SENP7: variants seen among roughly 807,000 people sequenced by gnomAD.
SENP7 encodes the protein sentrin-specific protease 7.
A neutral mutation model predicts 141.2 loss-of-function variants in SENP7; 64 were observed. The ratio of observed to expected loss-of-function variants is 0.45; its 90% CI spans 0.37 to 0.56. The LOEUF (loss-of-function observed/expected upper bound fraction) is 0.56, where lower values mean the gene tolerates loss of function less well. SENP7 is among the 20% of genes least tolerant of loss of function. The probability of loss-of-function intolerance (pLI) is 0.00; values close to 1 mark genes in which losing one functional copy is unlikely to be tolerated. For missense variants in SENP7, 1,025 were observed against 1,212.2 expected (o/e 0.85, Z 2.29); for synonymous variants, 382 against 426.4 (o/e 0.90, Z 1.28).
intron 6 of SENP7, among the ~76,000 whole-genome samples, chr3:101,396,851 T>C (rs1001208151): frequency 2.0e-5 from 3 of 152,186 alleles, no homozygotes; most frequent in Admixed American, 6.5e-5. Context: ...TTGTTTTTTG[T>C]GTGTTTTTTG....
At chr3:101,427,490 C>CA (rs55677738) in intron 4 of SENP7, among the ~76,000 whole-genome samples, 4,870 of 100,952 alleles carry the variant, frequency 0.048, 138 homozygotes, top group African/African-American at 0.067. Flanking sequence ...ACACTGTCTC[C>CA]AAAAAAAAAA....
At chr3:101,511,702 C>G (rs906437805) in intron 1 of SENP7, among the ~76,000 whole-genome samples, 4 of 152,230 alleles carry the variant, frequency 2.6e-5, no homozygotes, top group African/African-American at 9.6e-5. Context: ...CTGCTTCAAG[C>G]AGTGTCCCCA....
rs567080545 is a variant in SENP7, at chr3:101,340,754, T to G, written c.2241-543A>C. On this transcript the variant is annotated intron_variant, in intron 15 of 23. Transcript: ENST00000394095. ...CTCCCCATAAAAAGTGCCTGCCACA[T>G]AAAACTTAAGAGACCACAAAGGAGA... 8.5e-5 allele frequency among the ~76,000 whole-genome samples: 13 copies of G among 152,258 alleles called. No individual in the cohort carries two copies. In the South Asian group the frequency reaches 2.7e-3, roughly 32 times the overall value.
rs1462413573 is a variant in SENP7 at position 101,392,247 on chromosome 3, G to T, written c.677+6614C>A. 3.9e-5 allele frequency among the ~76,000 whole-genome samples: 6 copies of T among 152,190 alleles called. No homozygotes were observed. In the East Asian group the frequency reaches 1.2e-3, roughly 29 times the overall value. On this transcript the variant is annotated intron_variant, in intron 6 of 23. Transcript: ENST00000394095. ...ATTAGGTAAGAGAAAGAAATAAAGG[G>T]CATCCAAATTAGAAAAGAGATAGTC...
At chr3:101,454,660 T>A (rs764251942) in intron 4 of SENP7, among the ~76,000 whole-genome samples, 1 of 152,148 alleles carries the variant, frequency 6.6e-6, no homozygotes, top group Non-Finnish European at 1.5e-5. Flanking sequence ...CACAATGTGG[T>A]ATAAAAAGAA....
chr3:101,375,328 A>G (rs2060291272), intron 6 of SENP7, among the ~76,000 whole-genome samples: 1 of 152,070 alleles, frequency 6.6e-6, no homozygotes, highest in Non-Finnish European at 1.5e-5. Context: ...GGATCACCTG[A>G]GGTCGAGAGT....
chr3:101,389,803 T>C (rs1467605632), intron 6 of SENP7, among the ~76,000 whole-genome samples: 1 of 151,874 alleles, frequency 6.6e-6, no homozygotes, highest in Non-Finnish European at 1.5e-5. Flanking sequence ...AAGTGATAAA[T>C]GATAAAAGTG....
chr3:101,360,102 ATGAATAAAAT>A (rs1434652759), intron 11 of SENP7, among the ~76,000 whole-genome samples: 2 of 152,218 alleles, frequency 1.3e-5, no homozygotes, highest in Non-Finnish European at 2.9e-5. Context: ...ATCCTGAAAA[ATGAATAAAAT>A]TCCTTAAAGA....
chr3:101,454,162 A>T (rs2063263173), intron 4 of SENP7, among the ~76,000 whole-genome samples: 1 of 152,202 alleles, frequency 6.6e-6, no homozygotes, highest in Admixed American at 6.5e-5. Flanking sequence ...AAACAATATT[A>T]ATGCATGACA....
intron 3 of SENP7, among the ~76,000 whole-genome samples, chr3:101,491,126 C>CAT: frequency 7.1e-6 from 1 of 140,880 alleles, no homozygotes; most frequent in East Asian, 2.1e-4. Context: ...TCATTTTATA[C>CAT]TTTTTTTTTT....
intron 4 of SENP7, among the ~76,000 whole-genome samples, chr3:101,449,786 C>T (rs149204935): frequency 0.01 from 1,534 of 152,216 alleles, 31 homozygotes; most frequent in African/African-American, 0.036. Flanking sequence ...TAAAGACCAT[C>T]GAGGCTAGGA....
At chr3:101,360,393 G>A (rs555189833) in intron 11 of SENP7, among the ~76,000 whole-genome samples, 3 of 152,212 alleles carry the variant, frequency 2.0e-5, no homozygotes, top group Middle Eastern at 3.4e-3. Flanking sequence ...ATTGCCATAT[G>A]CACCCTTCTT....
rs1423086015 is a variant in SENP7, at chr3:101,513,199, G to C, written c.-69C>G. The C allele has an allele frequency of 4.8e-5, 39 of 811,970 alleles. No individual in the cohort carries two copies. The highest frequency in any genetic ancestry group is 3.9e-6 in the Non-Finnish European group (2 of 507,372). 50.3% of individuals were successfully genotyped at this position (811,970 alleles called of 1,614,324 possible). A position where few individuals can be genotyped will look rare whatever the true frequency, so the allele number is the denominator to read the frequency against. On this transcript the variant is annotated 5_prime_UTR_variant, in exon 1 of 24. Transcript: ENST00000394095. ...AGGACCCCTCCGGCTTGGAGAGGGA[G>C]GGGGAGGGGAAAGGAAAAAAAAAAA...
At chr3:101,439,682 CA>C in intron 4 of SENP7, among the ~76,000 whole-genome samples, 1 of 31,440 alleles carries the variant, frequency 3.2e-5, no homozygotes, top group African/African-American at 1.1e-4. Flanking sequence ...ATGGGGGGGT[CA>C]GCCCCCCCAC....
chr3:101,457,688 C>A, intron 4 of SENP7: 1 of 1,288,062 alleles, frequency 7.8e-7, no homozygotes, highest in Non-Finnish European at 1.1e-6. Flanking sequence ...CTTGTGCCTG[C>A]AGTTTGGCAA....
chr3:101,326,102 T>G (rs1309098691), intron 23 of SENP7, 22 bp from the exon 24 acceptor site: 1 of 1,548,154 alleles, frequency 6.5e-7, no homozygotes, highest in East Asian at 2.4e-5. Context: ...AAAAAAAGAG[T>G]GTAATCACTT....
intron 6 of SENP7, among the ~76,000 whole-genome samples, chr3:101,393,511 C>A (rs896412579): frequency 6.6e-6 from 1 of 151,888 alleles, no homozygotes; most frequent in African/African-American, 2.4e-5. Context: ...ACAAATAATC[C>A]AATTTAAAAA....
chr3:101,354,025 A>G (rs532176875), intron 11 of SENP7, among the ~76,000 whole-genome samples: 1 of 151,912 alleles, frequency 6.6e-6, no homozygotes, highest in South Asian at 2.1e-4. Context: ...ATACCTAAAA[A>G]CCTGAAAAAC....
chr3:101,386,036 C>T (rs146066949), intron 6 of SENP7, among the ~76,000 whole-genome samples: 20 of 152,092 alleles, frequency 1.3e-4, no homozygotes, highest in African/African-American at 4.8e-4. Flanking sequence ...TACAAGAATA[C>T]ATGGATAAAA....
Sources: allele counts gnomAD v4.1 joint callset (sites outside exome capture counted in the v4.1 genomes callset), GRCh38; gene constraint gnomAD v4.1.1; transcripts MANE v1.5; gene names NCBI Gene and HGNC (gene_info 2026-07-23, HGNC 2026-07-21).